The following DYNC1H1 variants were observed in gnomAD, a reference collection of about 807,000 sequenced individuals.
The protein encoded by DYNC1H1 is cytoplasmic dynein 1 heavy chain 1.
DYNC1H1 carries 51 observed loss-of-function variants against 527.1 expected under a neutral mutation model. The ratio of observed to expected loss-of-function variants is 0.10; its 90% CI spans 0.08 to 0.12. DYNC1H1 has a LOEUF of 0.12. Among genes scored for constraint, DYNC1H1 ranks in the 10% least tolerant of loss-of-function variants. The pLI is 1.00. For missense variants in DYNC1H1, 2,771 were observed against 5,971.8 expected, an observed-to-expected ratio of 0.46 and a Z score of 17.66; for synonymous variants, 2,189 against 2,278.8, an observed-to-expected ratio of 0.96 and a Z score of 1.12.
intron 43 of DYNC1H1, among the ~76,000 whole-genome samples, chr14:102,024,471 T>G (rs546636087): frequency 2.0e-5 from 3 of 152,064 alleles, no homozygotes; most frequent in Non-Finnish European, 4.4e-5. Context: ...TCTTCGTGTG[T>G]TTAGGTCTTC....
At position 102,010,219 on chromosome 14, in the gene DYNC1H1, C is replaced by T. The variant is rs2048242336; in HGVS notation, c.6222-57C>T. ...ATCTCTGGTTTCTTGACACTTGACCCTATTATTGCTTAAAGTATACTGTTA... is the reference window on the plus strand; with the variant it reads ...ATCTCTGGTTTCTTGACACTTGACCTTATTATTGCTTAAAGTATACTGTTA... On this transcript the variant is annotated intron_variant, in intron 30 of 77. Coordinates refer to ENST00000360184, the MANE Select transcript of DYNC1H1 (RefSeq NM_001376.5). This position sits in a 1 kb window ranked among gnomAD's most constrained non-coding sequence, Gnocchi z 6.0. 3.1e-6 allele frequency: 5 copies of T among 1,612,952 alleles called. No homozygotes were observed. Among genetic ancestry groups the T allele is most frequent in the Non-Finnish European group, 4.2e-6 (5 of 1,179,648 alleles).
chr14:102,010,450 T>C lies in DYNC1H1; in HGVS notation c.6396T>C (p.Pro2132=). The C allele has an allele frequency of 6.2e-7, 1 of 1,614,088 alleles. No homozygotes were observed. Among genetic ancestry groups the C allele is most frequent in the Non-Finnish European group, 8.5e-7 (1 of 1,179,942 alleles). Residue 2132 remains proline, a synonymous_variant, in exon 31 of 78, where the codon CCT becomes CCC. Coordinates refer to ENST00000360184, the MANE Select transcript of DYNC1H1 (RefSeq NM_001376.5). This position sits in a 1 kb window ranked among gnomAD's most constrained non-coding sequence, Gnocchi z 6.0. ...AAGGAGAAATTGCTGAAAATCTCCC[T>C]GAACAAGAGGTTCGTTACAAACGTT... ...VDEGEIAENL[P]EQEILIQSVC...
At chr14:102,009,492 G>A (rs542516838) in intron 29 of DYNC1H1, 116 of 313,822 alleles carry the variant, frequency 3.7e-4, no homozygotes, top group Middle Eastern at 1.1e-3. Context: ...AGTCAGTGTC[G>A]CGGCATTTAT....
chr14:101,992,581 G>C (rs149906795), intron 11 of DYNC1H1, among the ~76,000 whole-genome samples: 1 of 152,118 alleles, frequency 6.6e-6, no homozygotes, highest in Non-Finnish European at 1.5e-5. Context: ...TCGTTTAGCT[G>C]TTCTGCCCTC....
Position 101,979,684 on chromosome 14 carries a change from C to T in DYNC1H1, c.519-35C>T, listed in dbSNP as rs201233958. On this transcript the variant is annotated intron_variant, in intron 3 of 77. Coordinates refer to ENST00000360184, the MANE Select transcript of DYNC1H1 (RefSeq NM_001376.5). The surrounding 1 kb of genome is among the most constrained non-coding windows in gnomAD (Gnocchi z 4.6). The stretch of plus-strand genomic sequence containing the variant: ...ATGGGATCTCTTTGGAGACCAATAG[C>T]ACACTAAATGTTGAGGTATGAAATC... 2.5e-6 allele frequency: 4 copies of T among 1,613,184 alleles called. No homozygotes were observed. The East Asian group carries it at 8.9e-5, about 36-fold the overall frequency.
Position 101,964,686 on chromosome 14 carries a change from G to C in DYNC1H1, c.-6G>C. ...ATCGCTCCTGGAAGGTCCCGAGCGC[G>C]ACACCATGTCGGAGCCCGGGGGCGG... On this transcript the variant is annotated 5_prime_UTR_variant, in exon 1 of 78. Transcript: ENST00000360184. This position sits in a 1 kb window ranked among gnomAD's most constrained non-coding sequence, Gnocchi z 5.5. The C allele has an allele frequency of 1.0e-5, 16 of 1,586,824 alleles. No homozygotes were observed. Among genetic ancestry groups the C allele is most frequent in the Non-Finnish European group, 1.4e-5 (16 of 1,172,138 alleles).
Position 102,039,744 on chromosome 14 carries a change from C to G in DYNC1H1, c.11690+12C>G, listed in dbSNP as rs1405537007. 1 of 1,614,106 alleles carries G rather than the reference C, an allele frequency of 6.2e-7. No individual in the cohort carries two copies. The highest frequency in any genetic ancestry group is 8.5e-7 in the Non-Finnish European group (1 of 1,179,994). On this transcript the variant is annotated intron_variant, in intron 62 of 77. Coordinates refer to ENST00000360184, the MANE Select transcript of DYNC1H1 (RefSeq NM_001376.5). This position sits in a 1 kb window ranked among gnomAD's most constrained non-coding sequence, Gnocchi z 7.0. The stretch of plus-strand genomic sequence containing the variant: ...AAGGGCACCGTGGGGTAAGAGCACT[C>G]ACGCCCACAGGAGGATGCCATATTG...
rs893065047 is a variant in DYNC1H1 at position 102,052,370 on chromosome 14, T to A, written c.*1807T>A. ...CTGGTCTCGAACTCCTGAGCTCAAG[T>A]GGTCCTCCCACCTTGGCCTCCCAAA... On this transcript the variant is annotated 3_prime_UTR_variant, in exon 78 of 78. Transcript: ENST00000360184. 2 of 152,376 alleles carry A rather than the reference T, an allele frequency of 1.3e-5. No homozygotes were observed. The highest frequency in any genetic ancestry group is 4.8e-5 in the African/African-American group (2 of 41,452). 9.4% of individuals were successfully genotyped at this position (152,376 alleles called of 1,614,324 possible).
In DYNC1H1 at chr14:102,027,056, G is replaced by A. The variant is rs2079284553; in HGVS notation, c.8772-118G>A. On this transcript the variant is annotated intron_variant, in intron 44 of 77. Coordinates refer to ENST00000360184, the MANE Select transcript of DYNC1H1 (RefSeq NM_001376.5). This position sits in a 1 kb window ranked among gnomAD's most constrained non-coding sequence, Gnocchi z 7.7. ...CACAAATAACAGTTGCTCAGCAAATGTTTAATATACAAGTTCAAGTTAAAA... is the reference window on the plus strand; with the variant it reads ...CACAAATAACAGTTGCTCAGCAAATATTTAATATACAAGTTCAAGTTAAAA... The A allele has an allele frequency of 8.3e-7, 1 of 1,202,740 alleles. No individual in the cohort carries two copies. Among genetic ancestry groups the A allele is most frequent in the Non-Finnish European group, 1.2e-6 (1 of 809,344 alleles). The allele number at this position is 1,202,740 out of a possible 1,614,324, so 74.5% of individuals were successfully genotyped here. A position where few individuals can be genotyped will look rare whatever the true frequency, so the allele number is the denominator to read the frequency against.
At chr14:102,004,245 AAAATAAATAAAT>A (rs58406901) in intron 23 of DYNC1H1, among the ~76,000 whole-genome samples, 1 of 151,124 alleles carries the variant, frequency 6.6e-6, no homozygotes, top group East Asian at 1.9e-4. Context: ...CTCCGTCTCA[AAAATAAATAAAT>A]AAATAAATAA....
chr14:102,016,445 G>A lies in DYNC1H1; in HGVS notation c.7570G>A (p.Val2524Met), dbSNP rs147836678. The change falls in exon 37 of 78, where the codon GTG becomes ATG. Residue 2524 changes from valine to methionine, a missense_variant. Val to Met is a conservative substitution (Grantham distance 21). Transcript: ENST00000360184. The surrounding 1 kb of genome is among the most constrained non-coding windows in gnomAD (Gnocchi z 7.3). ...LGEYIRRITT[V>M]PLPTAPNIPI... The stretch of plus-strand genomic sequence containing the variant: ...TGAATACATCAGAAGAATCACGACC[G>A]TGCCTCTGCCCACTGCGCCCAACAT... 1.2e-5 allele frequency: 19 copies of A among 1,613,928 alleles called. No homozygotes were observed. Among genetic ancestry groups the A allele is most frequent in the Admixed American group, 3.3e-5 (2 of 59,988 alleles).
chr14:101,987,761 A>G, intron 9 of DYNC1H1, 129 bp downstream of exon 9: 1 of 1,096,628 alleles, frequency 9.1e-7, no homozygotes, highest in Non-Finnish European at 1.3e-6. Context: ...CCCCTCCAAA[A>G]TCTCATTTAA....
intron 72 of DYNC1H1, chr14:102,047,586 CGT>C (rs1491492465): frequency 6.1e-6 from 2 of 326,242 alleles, no homozygotes; most frequent in East Asian, 6.7e-5. Context: ...CATACACATA[CGT>C]ATATATATAT....
intron 48 of DYNC1H1, 51 bp downstream of exon 48, chr14:102,028,192 C>T: frequency 1.3e-6 from 2 of 1,599,996 alleles, no homozygotes; most frequent in Non-Finnish European, 1.7e-6. Context: ...AACCATCATG[C>T]TAATATAAAA....
rs1488717977 is a variant in DYNC1H1, at chr14:102,006,144, A to T, written c.5690A>T (p.Glu1897Val). 1 of 1,614,106 alleles carries T rather than the reference A, an allele frequency of 6.2e-7. No homozygotes were observed. Among genetic ancestry groups the T allele is most frequent in the South Asian group, 1.1e-5 (1 of 91,086 alleles). The change falls in exon 27 of 78, where the codon GAG (glutamate) becomes GTG (valine). Residue 1897 changes from glutamate to valine, a missense_variant. Glu to Val is a moderately radical substitution (Grantham distance 121). Transcript: ENST00000360184. ...TATTTGACAATGACACAAGCCTTGG[A>T]GGCCAGGCTGGGGGGTTCCCCATTT... ...RCYLTMTQALEARLGGSPFGP... is the reference protein window; with the variant it reads ...RCYLTMTQALVARLGGSPFGP...
At chr14:101,973,314 A>T (rs927674425) in intron 1 of DYNC1H1, among the ~76,000 whole-genome samples, 1 of 151,270 alleles carries the variant, frequency 6.6e-6, no homozygotes, top group Non-Finnish European at 1.5e-5. Flanking sequence ...GCCAACCACC[A>T]CACCCAGCTA....
chr14:102,041,611 C>G lies in DYNC1H1; in HGVS notation c.11979C>G (p.Ile3993Met). 6.2e-7 allele frequency: 1 copy of G among 1,614,224 alleles called. No individual in the cohort carries two copies. Among genetic ancestry groups the G allele is most frequent in the East Asian group, 2.2e-5 (1 of 44,884 alleles). Reference protein sequence around the residue: ...IGQAIHRLLLIQAFRPDRLLA... With the variant: ...IGQAIHRLLLMQAFRPDRLLA... The stretch of plus-strand genomic sequence containing the variant: ...AGGCCATCCACCGCCTGCTCCTGAT[C>G]CAGGCTTTCCGGCCCGATCGCCTGT... The change falls in exon 65 of 78, where the codon ATC becomes ATG. Residue 3993 changes from isoleucine to methionine, a missense_variant. Coordinates refer to ENST00000360184, the MANE Select transcript of DYNC1H1 (RefSeq NM_001376.5). The surrounding 1 kb of genome is among the most constrained non-coding windows in gnomAD (Gnocchi z 4.5).
In DYNC1H1 at chr14:102,023,188, G is replaced by A. The variant is rs1187636714; in HGVS notation, c.8637+308G>A. 1.3e-5 allele frequency: 5 copies of A among 391,296 alleles called. No homozygotes were observed. The East Asian group carries it at 3.2e-4, about 25-fold the overall frequency. 24.2% of individuals were successfully genotyped at this position (391,296 alleles called of 1,614,324 possible). Reference sequence around the variant, plus strand: ...GCTTGAGCCCAGGAAGTCACAGTGAGCTGTGGTCACACCACCATACTGCAG... The same window carrying A: ...GCTTGAGCCCAGGAAGTCACAGTGAACTGTGGTCACACCACCATACTGCAG... On this transcript the variant is annotated intron_variant, in intron 43 of 77. Transcript: ENST00000360184.
At position 102,042,091 on chromosome 14, in the gene DYNC1H1, G is replaced by A. The variant is rs797045530; in HGVS notation, c.12181G>A (p.Glu4061Lys). 6 of 1,614,054 alleles carry A rather than the reference G, an allele frequency of 3.7e-6. No homozygotes were observed. Among genetic ancestry groups the A allele is most frequent in the Non-Finnish European group, 5.1e-6 (6 of 1,180,026 alleles). The change falls in exon 66 of 78, where the codon GAG (glutamate) becomes AAG (lysine). Residue 4061 changes from glutamate to lysine, a missense_variant. By Grantham distance (56) the Glu-to-Lys change is moderately conservative. Coordinates refer to ENST00000360184, the MANE Select transcript of DYNC1H1 (RefSeq NM_001376.5). The surrounding 1 kb of genome is among the most constrained non-coding windows in gnomAD (Gnocchi z 5.7). ...ASGHVEDLAA[E>K]QNTQITSIAI... ...TGGACATGTCGAGGACCTTGCAGCC[G>A]AGCAGAACACGCAGATCACTTCAAT...
Sources: gnomAD v4.1 joint callset for allele counts (sites outside exome capture counted in the v4.1 genomes callset) on GRCh38, gnomAD v4.1.1 for gene constraint, Gnocchi (gnomAD v3.1) non-coding constraint, MANE v1.5 for transcripts, NCBI Gene and HGNC (gene_info 2026-07-23, HGNC 2026-07-21) for gene names.